The following SCML4 variants were observed in gnomAD, a reference collection of about 807,000 sequenced individuals.
SCML4 encodes sex comb on midleg-like protein 4.
In SCML4, 34 loss-of-function variants were observed where a neutral mutation model predicts 41.1. The observed-to-expected ratio is 0.83, with a 90% confidence interval of 0.63 to 1.10. SCML4 has a LOEUF of 1.10. Among genes scored for constraint, SCML4 ranks in the 50% least tolerant of loss-of-function variants. The pLI, the probability that SCML4 is intolerant of heterozygous loss-of-function variation, is 0.00. For synonymous variants in SCML4, 214 were observed against 220.9 expected (o/e 0.97, Z 0.28); for missense variants, 522 against 534.1 (o/e 0.98, Z 0.22).
At chr6:107,757,414 G>A (rs2114529381) in intron 2 of SCML4, among the ~76,000 whole-genome samples, 1 of 152,318 alleles carries the variant, frequency 6.6e-6, no homozygotes, top group East Asian at 1.9e-4. Flanking sequence ...GTAGCAAGAG[G>A]TGGATAATCT....
At chr6:107,745,362 T>C in intron 4 of SCML4, 1 of 507,762 alleles carries the variant, frequency 2.0e-6, no homozygotes, top group Non-Finnish European at 3.5e-6. Flanking sequence ...GTCTCCTTGG[T>C]CTGTGACTGT....
At chr6:107,767,106 C>T (rs537515511) in intron 2 of SCML4, among the ~76,000 whole-genome samples, 3 of 152,066 alleles carry the variant, frequency 2.0e-5, no homozygotes, top group South Asian at 2.1e-4. Context: ...TACTGACACG[C>T]GCCACCATGC....
rs941039320 is a variant in SCML4, at chr6:107,702,505, G to A, written c.*2695C>T. On this transcript the variant is annotated 3_prime_UTR_variant, in exon 8 of 8. Transcript: ENST00000369020. ...GAAGTCACTACATGAGGTATCTGTT[G>A]ATGGAAGAGGTACCACAAGTATCGG... Among the ~76,000 whole-genome samples, 1 of 152,192 alleles carries A rather than the reference G, an allele frequency of 6.6e-6. No homozygotes were observed. The highest frequency in any genetic ancestry group is 1.5e-5 in the Non-Finnish European group (1 of 68,034).
intron 5 of SCML4, among the ~76,000 whole-genome samples, chr6:107,734,941 T>C (rs1463584834): frequency 6.6e-6 from 1 of 152,136 alleles, no homozygotes; most frequent in Non-Finnish European, 1.5e-5. Context: ...AGTGGCACAA[T>C]CTCAGCTCAC....
chr6:107,776,613 T>C (rs1054589701), intron 1 of SCML4, among the ~76,000 whole-genome samples: 4 of 152,214 alleles, frequency 2.6e-5, no homozygotes, highest in Admixed American at 6.5e-5. Context: ...GGCACTCTCA[T>C]TGATTGTTGG....
At chr6:107,727,577 C>A (rs755912286) in intron 5 of SCML4, among the ~76,000 whole-genome samples, 5 of 152,196 alleles carry the variant, frequency 3.3e-5, no homozygotes, top group Non-Finnish European at 7.3e-5. Flanking sequence ...ATGCTCTGTG[C>A]CGAATGCTAT....
rs1377561212 is a variant in SCML4, at chr6:107,702,958, A to G, written c.*2242T>C. Among the ~76,000 whole-genome samples, 9 of 152,236 alleles carry G rather than the reference A, an allele frequency of 5.9e-5. No individual in the cohort carries two copies. The highest frequency in any genetic ancestry group is 1.2e-4 in the Non-Finnish European group (8 of 68,048). ...CCTTCTGATAAAACAGGTTGCAGTA[A>G]AGAAGTTGGCTAAAACCCACCAAAA... On this transcript the variant is annotated 3_prime_UTR_variant, in exon 8 of 8. Coordinates refer to ENST00000369020, the MANE Select transcript of SCML4 (RefSeq NM_198081.5).
chr6:107,721,080 GC>G, intron 5 of SCML4, 87 bp from the exon 6 acceptor site: 2 of 1,467,772 alleles, frequency 1.4e-6, no homozygotes, highest in Non-Finnish European at 1.8e-6. Context: ...ACCCTGCCCT[GC>G]CAACACAGTA....
intron 2 of SCML4, among the ~76,000 whole-genome samples, chr6:107,757,689 T>C (rs561837725): frequency 2.6e-5 from 4 of 152,356 alleles, no homozygotes; most frequent in African/African-American, 9.6e-5. Context: ...TAGAATTAAA[T>C]GCAGAAGTTT....
At chr6:107,819,169 C>T (rs2114304648) in intron 1 of SCML4, among the ~76,000 whole-genome samples, 1 of 84,746 alleles carries the variant, frequency 1.2e-5, no homozygotes, top group South Asian at 4.6e-4. Flanking sequence ...AACAGGCTCC[C>T]TTCTCTTTGT....
intron 2 of SCML4, among the ~76,000 whole-genome samples, chr6:107,756,100 A>C (rs1216352037): frequency 6.6e-6 from 1 of 152,222 alleles, no homozygotes; most frequent in Non-Finnish European, 1.5e-5. Flanking sequence ...AAAAATTTCA[A>C]ATAATTTATG....
At chr6:107,802,066 C>T (rs1344124051) in intron 1 of SCML4, among the ~76,000 whole-genome samples, 2 of 152,080 alleles carry the variant, frequency 1.3e-5, no homozygotes, top group East Asian at 1.9e-4. Flanking sequence ...CCACTGCACC[C>T]GGCCTATTCA....
Position 107,746,678 on chromosome 6 carries a change from C to G in SCML4, c.487+11G>C, listed in dbSNP as rs1005282693. ...CCATGGCCTCCTCATGCAACCTGCC[C>G]CAGGCCTTACCTGACACCATCTCAC... is the stretch of plus-strand genomic sequence containing the variant. On this transcript the variant is annotated intron_variant, in intron 4 of 7. Coordinates refer to ENST00000369020, the MANE Select transcript of SCML4 (RefSeq NM_198081.5). The G allele has an allele frequency of 6.2e-7, 1 of 1,612,360 alleles. No individual in the cohort carries two copies. Among genetic ancestry groups the G allele is most frequent in the African/African-American group, 1.3e-5 (1 of 74,912 alleles).
At chr6:107,747,757 A>C (rs932926848) in intron 3 of SCML4, among the ~76,000 whole-genome samples, 2 of 152,150 alleles carry the variant, frequency 1.3e-5, no homozygotes, top group African/African-American at 4.8e-5. Flanking sequence ...CTTTTTTAGC[A>C]GGAAGATTTT....
intron 6 of SCML4, 121 bp from the exon 7 acceptor site, chr6:107,708,132 C>A: frequency 8.4e-7 from 1 of 1,183,542 alleles, no homozygotes; most frequent in Non-Finnish European, 1.2e-6. Flanking sequence ...GTCCAAGGAC[C>A]TGGCCCAAGT....
chr6:107,753,501 G>A (rs1439967157), intron 2 of SCML4, among the ~76,000 whole-genome samples: 8 of 152,202 alleles, frequency 5.3e-5, no homozygotes, highest in Non-Finnish European at 1.2e-4. Context: ...TTAGTGGGTA[G>A]AGAGTTTGAA....
At chr6:107,766,032 C>T (rs1780006696) in intron 2 of SCML4, among the ~76,000 whole-genome samples, 1 of 152,188 alleles carries the variant, frequency 6.6e-6, no homozygotes, top group Non-Finnish European at 1.5e-5. Context: ...TGCCTGTAGT[C>T]CCAGCTGTTT....
intron 1 of SCML4, among the ~76,000 whole-genome samples, chr6:107,798,175 TTCTCAAAGAGC>T (rs1312264715): frequency 1.3e-5 from 2 of 151,854 alleles, no homozygotes; most frequent in Non-Finnish European, 2.9e-5. Context: ...TGTCTCTGTT[TTCTCAAAGAGC>T]ATATATAAGA....
At chr6:107,756,047 C>T (rs1779080938) in intron 2 of SCML4, among the ~76,000 whole-genome samples, 3 of 152,098 alleles carry the variant, frequency 2.0e-5, no homozygotes. Context: ...AGGTGGTTGA[C>T]TCAGTAAATA....
Sources: gnomAD v4.1 joint callset for allele counts (sites outside exome capture counted in the v4.1 genomes callset) on GRCh38, gnomAD v4.1.1 for gene constraint, MANE v1.5 for transcripts, NCBI Gene and HGNC (gene_info 2026-07-23, HGNC 2026-07-21) for gene names.